Variants in SNX29 observed in about 807,000 individuals in gnomAD.
SNX29 encodes the protein sorting nexin-29.
A neutral mutation model predicts 102.1 loss-of-function variants in SNX29; 78 were observed. The ratio of observed to expected loss-of-function variants is 0.76; its 90% CI spans 0.64 to 0.92. The LOEUF (loss-of-function observed/expected upper bound fraction) is 0.92, where lower values mean the gene tolerates loss of function less well. Among genes scored for constraint, SNX29 ranks in the 40% least tolerant of loss-of-function variants. The pLI is 0.00. For synonymous variants in SNX29, 580 were observed against 414.5 expected (o/e 1.40, Z -4.85); for missense variants, 1,280 against 1,061.7 (o/e 1.21, Z -2.86).
chr16:12,144,867 G>C (rs111339715), intron 13 of SNX29, among the ~76,000 whole-genome samples: 3 of 152,150 alleles, frequency 2.0e-5, no homozygotes, highest in African/African-American at 7.2e-5. Context: ...GACTACAGGC[G>C]CCTGCCACCA....
chr16:12,358,652 G>T (rs755884839), intron 16 of SNX29, among the ~76,000 whole-genome samples: 1 of 152,166 alleles, frequency 6.6e-6, no homozygotes, highest in African/African-American at 2.4e-5. Context: ...GTCCAGCCCC[G>T]CACCCTGGAG....
intron 18 of SNX29, among the ~76,000 whole-genome samples, chr16:12,463,623 C>G (rs2086910810): frequency 6.6e-6 from 1 of 152,172 alleles, no homozygotes; most frequent in Admixed American, 6.5e-5. Flanking sequence ...AGCTACAATT[C>G]AAGATGAGAT....
intron 3 of SNX29, among the ~76,000 whole-genome samples, chr16:12,025,576 T>C (rs1375556034): frequency 6.6e-6 from 1 of 152,116 alleles, no homozygotes; most frequent in Non-Finnish European, 1.5e-5. Flanking sequence ...TGAGGGGAAG[T>C]ATTAGATTTG....
intron 20 of SNX29, among the ~76,000 whole-genome samples, chr16:12,525,471 G>A (rs528500924): frequency 1.2e-4 from 19 of 152,246 alleles, no homozygotes; most frequent in Non-Finnish European, 2.5e-4. Flanking sequence ...TCGGGAGTTC[G>A]AGACCAGCAT....
intron 20 of SNX29, among the ~76,000 whole-genome samples, chr16:12,534,126 A>G (rs959131924): frequency 2.6e-5 from 4 of 152,224 alleles, no homozygotes; most frequent in Admixed American, 1.3e-4. Flanking sequence ...GCTAACCAGG[A>G]CAGCTCCAAC....
At chr16:12,516,311 C>G (rs1056441729) in intron 19 of SNX29, among the ~76,000 whole-genome samples, 18 of 152,036 alleles carry the variant, frequency 1.2e-4, no homozygotes, top group African/African-American at 3.1e-4. Context: ...GAGACCCCGT[C>G]TCTACAAAAA....
At chr16:12,026,587 T>C (rs1207062837) in intron 3 of SNX29, among the ~76,000 whole-genome samples, 1 of 152,226 alleles carries the variant, frequency 6.6e-6, no homozygotes, top group African/African-American at 2.4e-5. Flanking sequence ...TTCCTGAATC[T>C]CCTATTTCTT....
intron 6 of SNX29, among the ~76,000 whole-genome samples, chr16:12,047,232 GAT>G (rs1238541683): frequency 1.3e-5 from 2 of 152,190 alleles, no homozygotes; most frequent in Non-Finnish European, 2.9e-5. Context: ...ACCCTGGGTT[GAT>G]GTTAGTCGGT....
chr16:12,033,388 C>T (rs4082762), intron 4 of SNX29, among the ~76,000 whole-genome samples: 1 of 152,050 alleles, frequency 6.6e-6, no homozygotes, highest in African/African-American at 2.4e-5. Context: ...CAGGCCTGAG[C>T]CACCGTGCCT....
Position 12,545,172 on chromosome 16 carries a change from G to C in SNX29, c.2318+20331G>C, listed in dbSNP as rs538505620. 6.4e-4 allele frequency among the ~76,000 whole-genome samples: 98 copies of C among 152,278 alleles called. 1 individual carries two copies. Among genetic ancestry groups the C allele is most frequent in the African/African-American group, 2.2e-3 (92 of 41,560 alleles). On this transcript the variant is annotated intron_variant, in intron 20 of 20. Coordinates refer to ENST00000566228, the MANE Select transcript of SNX29 (RefSeq NM_032167.5). ...AGTACAGACACTCTGCCAGCCGTCAGAGAAACAAATATGGTCAATACAAAA... is the reference window on the plus strand; with the variant it reads ...AGTACAGACACTCTGCCAGCCGTCACAGAAACAAATATGGTCAATACAAAA...
chr16:12,288,733 G>C (rs998450235), intron 15 of SNX29, among the ~76,000 whole-genome samples: 8 of 151,888 alleles, frequency 5.3e-5, no homozygotes, highest in African/African-American at 1.7e-4. Flanking sequence ...TGCAAATTGA[G>C]GGGCTATTCT....
chr16:12,569,942 A>G lies in SNX29; in HGVS notation c.*1313A>G, dbSNP rs1411924519. On this transcript the variant is annotated 3_prime_UTR_variant, in exon 21 of 21. Transcript: ENST00000566228. ...AGAACCTGAGGAGAAAAGCAGGTGG[A>G]AGGTGACGGTTAGATGGTAAGCCAT... 8.6e-6 allele frequency: 2 copies of G among 233,174 alleles called. No individual in the cohort carries two copies. Among genetic ancestry groups the G allele is most frequent in the Admixed American group, 5.6e-5 (1 of 17,736 alleles). 14.4% of individuals were successfully genotyped at this position (233,174 alleles called of 1,614,324 possible).
chr16:12,508,103 G>A (rs1054856026), intron 19 of SNX29, among the ~76,000 whole-genome samples: 5 of 152,202 alleles, frequency 3.3e-5, no homozygotes, highest in African/African-American at 4.8e-5. Flanking sequence ...GGGAGGTACC[G>A]CTACCTTCTT....
intron 20 of SNX29, among the ~76,000 whole-genome samples, chr16:12,554,598 C>T (rs3848243): frequency 0.41 from 62,148 of 151,996 alleles, 13,810 homozygotes; most frequent in East Asian, 0.85. Context: ...AGCTCCCAAG[C>T]CAGAGGAGCT....
intron 20 of SNX29, among the ~76,000 whole-genome samples, chr16:12,566,812 AG>A (rs2079030687): frequency 1.3e-5 from 2 of 152,264 alleles, no homozygotes; most frequent in Admixed American, 1.3e-4. Flanking sequence ...GAGATGATTC[AG>A]AGCAGCTCCG....
chr16:12,095,469 C>G (rs1219752732), intron 11 of SNX29, among the ~76,000 whole-genome samples: 8 of 152,070 alleles, frequency 5.3e-5, no homozygotes, highest in Non-Finnish European at 1.2e-4. Flanking sequence ...GTGGTGAGGT[C>G]GCGAGTGGTG....
chr16:12,081,651 T>A (rs1276740812), intron 11 of SNX29: 1 of 118,308 alleles, frequency 8.5e-6, no homozygotes, highest in Non-Finnish European at 1.6e-5. Flanking sequence ...CCAGCCTGGG[T>A]GCCAGAGCGA....
intron 16 of SNX29, among the ~76,000 whole-genome samples, chr16:12,388,469 A>G (rs1212615584): frequency 3.3e-5 from 5 of 152,222 alleles, no homozygotes; most frequent in Non-Finnish European, 7.3e-5. Flanking sequence ...CTCCCTACCT[A>G]GACAAATGAG....
In SNX29 at chr16:12,342,602, T is replaced by C. The variant is rs10518190; in HGVS notation, c.1783-13561T>C. ...ATCAAAGCTGTAAGAATCAGAATCT[T>C]GTGTCTTTTACGAAGCTTGAGTTGT... On this transcript the variant is annotated intron_variant, in intron 15 of 20. Transcript: ENST00000566228. Among the ~76,000 whole-genome samples, 1,474 of 152,346 alleles carry C rather than the reference T, an allele frequency of 9.7e-3. 80 individuals carry two copies. Among genetic ancestry groups the C allele is most frequent in the Admixed American group, 0.085 (1,301 of 15,306 alleles).
Sources: gnomAD v4.1 joint callset for allele counts (sites outside exome capture counted in the v4.1 genomes callset) on GRCh38, gnomAD v4.1.1 for gene constraint, MANE v1.5 for transcripts, NCBI Gene and HGNC (gene_info 2026-07-23, HGNC 2026-07-21) for gene names.